Variants in PRELID2 observed in about 807,000 individuals in gnomAD.
PRELID2 encodes the protein PRELI domain-containing protein 2.
A neutral mutation model predicts 28.4 loss-of-function variants in PRELID2; 25 were observed. The observed-to-expected ratio is 0.88, with a 90% CI of 0.64 to 1.23. The LOEUF (loss-of-function observed/expected upper bound fraction) is 1.23, where lower values mean the gene tolerates loss of function less well. Ranked by LOEUF, PRELID2 falls within the 50% of genes most tolerant of loss-of-function variation. The probability of loss-of-function intolerance (pLI) is 0.00; values close to 1 mark genes in which losing one functional copy is unlikely to be tolerated. For synonymous variants in PRELID2, 76 were observed against 71.6 expected (o/e 1.06, Z -0.31); for missense variants, 201 against 214.4 (o/e 0.94, Z 0.39).
the PRELID2 span, among the ~76,000 whole-genome samples, chr5:145,243,760 A>AT: frequency 6.6e-6 from 1 of 152,138 alleles, no homozygotes; most frequent in Non-Finnish European, 1.5e-5. Flanking sequence ...CCAACAATAA[A>AT]TATTCAACAA....
At chr5:145,332,766 T>C in the PRELID2 span, among the ~76,000 whole-genome samples, 1 of 152,134 alleles carries the variant, frequency 6.6e-6, no homozygotes, top group African/African-American at 2.4e-5. Context: ...AGCCTACTTC[T>C]GTCAATTCGT....
At chr5:145,728,110 C>T (rs1454623972) in intron 1 of PRELID2, among the ~76,000 whole-genome samples, 3 of 152,164 alleles carry the variant, frequency 2.0e-5, no homozygotes, top group Admixed American at 1.3e-4. Flanking sequence ...CTAGTCTCTA[C>T]GTTTGTACCT....
At chr5:145,485,405 A>G (rs945233268) in intron 1 of PRELID2, among the ~76,000 whole-genome samples, 3 of 152,224 alleles carry the variant, frequency 2.0e-5, no homozygotes, top group African/African-American at 4.8e-5. Context: ...GCATACTACT[A>G]GTCAGTGATT....
chr5:145,506,758 A>T (rs751845770), intron 1 of PRELID2, among the ~76,000 whole-genome samples: 5 of 152,072 alleles, frequency 3.3e-5, no homozygotes, highest in Admixed American at 6.6e-5. Context: ...AAGACCAATA[A>T]TTCCATCTGC....
At chr5:145,342,941 T>C in the PRELID2 span, among the ~76,000 whole-genome samples, 1 of 142,352 alleles carries the variant, frequency 7.0e-6, no homozygotes, top group Non-Finnish European at 1.5e-5. Flanking sequence ...CTTATAATGA[T>C]AAAGGGATCA....
intron 4 of PRELID2, among the ~76,000 whole-genome samples, chr5:145,816,669 C>T (rs924694638): frequency 6.6e-6 from 1 of 152,168 alleles, no homozygotes; most frequent in African/African-American, 2.4e-5. Context: ...ATCTCAGCAC[C>T]ATTTGTTGAA....
chr5:145,453,496 G>A, the PRELID2 span, among the ~76,000 whole-genome samples: 1 of 152,036 alleles, frequency 6.6e-6, no homozygotes, highest in Non-Finnish European at 1.5e-5. Flanking sequence ...TAAGTTCTGG[G>A]ATACATGTGC....
At chr5:145,237,413 T>C in the PRELID2 span, among the ~76,000 whole-genome samples, 1 of 151,792 alleles carries the variant, frequency 6.6e-6, no homozygotes, top group Non-Finnish European at 1.5e-5. Context: ...TGAGCTTTCA[T>C]ACATGTGTCA....
At chr5:145,457,266 A>T in the PRELID2 span, among the ~76,000 whole-genome samples, 1 of 152,214 alleles carries the variant, frequency 6.6e-6, no homozygotes, top group African/African-American at 2.4e-5. Flanking sequence ...CCATAAAATG[A>T]TCATATCAAT....
chr5:145,353,321 G>T, the PRELID2 span, among the ~76,000 whole-genome samples: 2 of 151,882 alleles, frequency 1.3e-5, no homozygotes. Flanking sequence ...AAATCAGCTG[G>T]GTGTGGTAGG....
chr5:145,765,534 CA>C, intron 5 of PRELID2, among the ~76,000 whole-genome samples: 1 of 152,216 alleles, frequency 6.6e-6, no homozygotes, highest in South Asian at 2.1e-4. Context: ...CATGTCCCTC[CA>C]GGGGCAGCAT....
At chr5:145,470,039 C>A (rs2974570), downstream of PRELID2, among the ~76,000 whole-genome samples, 61,617 of 151,930 alleles carry the variant, frequency 0.41, 12,661 homozygotes, top group Non-Finnish European at 0.43. Flanking sequence ...ATTAATCACC[C>A]GAAGGGGAAA....
intron 1 of PRELID2, among the ~76,000 whole-genome samples, chr5:145,722,782 G>A (rs987545864): frequency 2.0e-5 from 3 of 152,106 alleles, no homozygotes; most frequent in East Asian, 1.9e-4. Context: ...TTACAGGTGT[G>A]AGCCACCACA....
chr5:145,734,002 G>C (rs539329054), intron 1 of PRELID2, among the ~76,000 whole-genome samples: 30 of 152,166 alleles, frequency 2.0e-4, no homozygotes, highest in Non-Finnish European at 3.7e-4. Flanking sequence ...GATGGAGGTA[G>C]GGGCCAGCGA....
chr5:145,824,369 C>T (rs548943336), intron 1 of PRELID2, among the ~76,000 whole-genome samples: 6 of 150,732 alleles, frequency 4.0e-5, no homozygotes, highest in South Asian at 4.2e-4. Context: ...TTAAGTTTTC[C>T]GAACCCTAGG....
chr5:145,819,520 C>T (rs1754610231), intron 3 of PRELID2: 2 of 694,568 alleles, frequency 2.9e-6, no homozygotes, highest in African/African-American at 3.7e-5. Context: ...GAACCTTATA[C>T]TCTGGGAAAT....
chr5:145,738,500 G>A (rs564722760), intron 1 of PRELID2, among the ~76,000 whole-genome samples: 107 of 152,100 alleles, frequency 7.0e-4, no homozygotes, highest in African/African-American at 2.4e-3. Flanking sequence ...GATATAAAGA[G>A]CCAAATGGAA....
chr5:145,764,925 A>G lies in PRELID2; in HGVS notation c.*10+6T>C, dbSNP rs1466135638. ...AAATAATTCTGACTTTGCTTTTGGT[A>G]CTCACTGATGATTCTTTATTCAGCT... On this transcript the variant is annotated splice_donor_region_variant and intron_variant, in intron 6 of 6. Coordinates refer to ENST00000683046, the MANE Select transcript of PRELID2 (RefSeq NM_205846.3). 6.2e-7 allele frequency: 1 copy of G among 1,603,116 alleles called. No individual in the cohort carries two copies. Among genetic ancestry groups the G allele is most frequent in the South Asian group, 1.1e-5 (1 of 90,736 alleles).
At chr5:145,806,870 T>C (rs1421715191) in intron 4 of PRELID2, among the ~76,000 whole-genome samples, 1 of 152,162 alleles carries the variant, frequency 6.6e-6, no homozygotes, top group Non-Finnish European at 1.5e-5. Context: ...CCTTCCACCA[T>C]AATTGTAAGT....
Sources: allele counts gnomAD v4.1 joint callset (sites outside exome capture counted in the v4.1 genomes callset), GRCh38; gene constraint gnomAD v4.1.1; transcripts MANE v1.5; gene names NCBI Gene and HGNC (gene_info 2026-07-23, HGNC 2026-07-21).